KCNMA1: variants seen among roughly 807,000 people sequenced by gnomAD.
KCNMA1 encodes the protein Calcium-activated potassium channel subunit alpha-1.
In KCNMA1, 29 loss-of-function variants were observed where a neutral mutation model predicts 140.0. That is an observed-to-expected ratio of 0.21 (90% CI 0.15 to 0.28). KCNMA1 has a LOEUF of 0.28. Among genes scored for constraint, KCNMA1 ranks in the 10% least tolerant of loss-of-function variants. The probability of loss-of-function intolerance (pLI) is 1.00; values close to 1 mark genes in which losing one functional copy is unlikely to be tolerated. For synonymous variants in KCNMA1, 612 were observed against 611.9 expected (o/e 1.00, Z 0.00); for missense variants, 880 against 1,602.2 (o/e 0.55, Z 7.70).
intron 5 of KCNMA1, among the ~76,000 whole-genome samples, chr10:77,167,548 G>C (rs1332175867): frequency 6.6e-6 from 1 of 152,074 alleles, no homozygotes; most frequent in East Asian, 1.9e-4. Flanking sequence ...TTGAGTGAAT[G>C]ATGATAATAA....
intron 1 of KCNMA1, among the ~76,000 whole-genome samples, chr10:77,462,747 G>A (rs1368752217): frequency 2.0e-5 from 3 of 152,208 alleles, no homozygotes; most frequent in South Asian, 2.1e-4. Flanking sequence ...TAGTGCTCAC[G>A]TTTCCTCAAT....
chr10:77,055,943 C>A (rs562831304), intron 14 of KCNMA1, among the ~76,000 whole-genome samples: 21 of 152,308 alleles, frequency 1.4e-4, no homozygotes, highest in Middle Eastern at 6.8e-3. Context: ...CATTTAGATT[C>A]TAAGAACTAA....
rs1018613491 is a variant in KCNMA1 at position 76,994,356 on chromosome 10, TAACAACAGC to T, written c.2266+7042_2266+7050del. ...GCAAATGCTATATAAGTGTTAAATT[TAACAACAGC>T]AACAACACATACACACATCCTCCCT... On this transcript the variant is annotated intron_variant, in intron 19 of 27. Coordinates refer to ENST00000286628, the MANE Select transcript of KCNMA1 (RefSeq NM_001161352.2). Among the ~76,000 whole-genome samples, 27 of 152,332 alleles carry T rather than the reference TAACAACAGC, an allele frequency of 1.8e-4. No homozygotes were observed. In the East Asian group the frequency reaches 5.2e-3, roughly 29 times the overall value.
chr10:77,339,326 G>A (rs747416647), intron 2 of KCNMA1, among the ~76,000 whole-genome samples: 5 of 151,886 alleles, frequency 3.3e-5, no homozygotes, highest in East Asian at 1.9e-4. Context: ...CTCCTCCACC[G>A]CCTTCCCAGC....
chr10:77,187,035 G>T (rs963801119), intron 3 of KCNMA1, among the ~76,000 whole-genome samples: 1 of 152,146 alleles, frequency 6.6e-6, no homozygotes, highest in Non-Finnish European at 1.5e-5. Flanking sequence ...CCTTACAGTT[G>T]CCCTCACAGT....
chr10:77,378,882 G>A (rs1018865775), intron 2 of KCNMA1, among the ~76,000 whole-genome samples: 2 of 152,168 alleles, frequency 1.3e-5, no homozygotes, highest in Non-Finnish European at 2.9e-5. Flanking sequence ...ATTGTAAGAT[G>A]ACTTGTGTAA....
intron 2 of KCNMA1, among the ~76,000 whole-genome samples, chr10:77,283,439 A>G (rs652373): frequency 0.84 from 127,644 of 152,194 alleles, 53,698 homozygotes; most frequent in Middle Eastern, 0.9. Flanking sequence ...ACAGCTAACC[A>G]AGATGGTGCC....
Position 77,084,693 on chromosome 10 carries a change from G to T in KCNMA1, c.1467C>A (p.Ile489=). The stretch of plus-strand genomic sequence containing the variant: ...GGTCAGCGCAGTACTTGTTGGCAAG[G>T]ATCAGGCATGCATCTGCTGACTCTA... ...VKIESADACL[I]LANKYCADPD... The change falls in exon 12 of 28, where the codon ATC becomes ATA. Residue 489 remains isoleucine, a synonymous_variant. Coordinates refer to ENST00000286628, the MANE Select transcript of KCNMA1 (RefSeq NM_001161352.2). 6.2e-7 allele frequency: 1 copy of T among 1,613,974 alleles called. No homozygotes were observed. The highest frequency in any genetic ancestry group is 1.3e-5 in the African/African-American group (1 of 75,018).
At chr10:77,031,849 C>T (rs1027216534) in intron 15 of KCNMA1, among the ~76,000 whole-genome samples, 5 of 152,128 alleles carry the variant, frequency 3.3e-5, no homozygotes, top group Admixed American at 6.5e-5. Flanking sequence ...AAAGAGTAAG[C>T]CTTCAGTAAA....
intron 2 of KCNMA1, among the ~76,000 whole-genome samples, chr10:77,280,018 G>A: frequency 6.6e-6 from 1 of 152,128 alleles, no homozygotes; most frequent in Non-Finnish European, 1.5e-5. Context: ...CGAACCCACA[G>A]TACATCCCCA....
chr10:77,250,611 T>A (rs1393818934), intron 3 of KCNMA1: 1 of 164,688 alleles, frequency 6.1e-6, no homozygotes, highest in Non-Finnish European at 1.3e-5. Context: ...AGTCCTCAAA[T>A]GGCCAGGGCC....
At chr10:77,380,434 T>C (rs910993346) in intron 2 of KCNMA1, among the ~76,000 whole-genome samples, 2 of 152,158 alleles carry the variant, frequency 1.3e-5, no homozygotes, top group African/African-American at 4.8e-5. Flanking sequence ...CACTTCAGTT[T>C]CCTTCCTTCA....
intron 1 of KCNMA1, among the ~76,000 whole-genome samples, chr10:77,559,058 T>C (rs1471223205): frequency 1.3e-5 from 2 of 152,166 alleles, no homozygotes; most frequent in Non-Finnish European, 2.9e-5. Context: ...CTCCGTGTCC[T>C]GGTCAGCCCA....
intron 19 of KCNMA1, among the ~76,000 whole-genome samples, chr10:76,980,890 T>A (rs11597111): frequency 6.6e-6 from 1 of 152,104 alleles, no homozygotes; most frequent in African/African-American, 2.4e-5. Context: ...TAAAGCCACA[T>A]TGTTGGGTCT....
intron 17 of KCNMA1, among the ~76,000 whole-genome samples, chr10:77,014,378 A>T (rs950640787): frequency 3.3e-5 from 5 of 150,874 alleles, no homozygotes; most frequent in Non-Finnish European, 2.9e-5. Flanking sequence ...GTGAGCCGAG[A>T]TTGTGCCACT....
rs570713671 is a variant in KCNMA1, at chr10:77,364,036, A to G, written c.540+39826T>C. Among the ~76,000 whole-genome samples the G allele has an allele frequency of 7.9e-5, 12 of 152,292 alleles. No individual in the cohort carries two copies. The South Asian group carries it at 2.5e-3, about 32-fold the overall frequency. On this transcript the variant is annotated intron_variant, in intron 2 of 27. Coordinates refer to ENST00000286628, the MANE Select transcript of KCNMA1 (RefSeq NM_001161352.2). ...TTGCACAATGCCTGACACCTAGCAGATCCTCAACAACCTTTGTTGAATAAA... is the reference window on the plus strand; with the variant it reads ...TTGCACAATGCCTGACACCTAGCAGGTCCTCAACAACCTTTGTTGAATAAA...
chr10:77,474,616 G>C lies in KCNMA1; in HGVS notation c.379-70593C>G, dbSNP rs572858977. Among the ~76,000 whole-genome samples the C allele has an allele frequency of 5.3e-5, 8 of 152,196 alleles. No individual in the cohort carries two copies. In the South Asian group the frequency reaches 6.2e-4, roughly 12 times the overall value. ...ACTCACATGGGGCGCGGTAGGGTGTGCCCTGTCTGGAGGTTCCACATTCTT... is the reference window on the plus strand; with the variant it reads ...ACTCACATGGGGCGCGGTAGGGTGTCCCCTGTCTGGAGGTTCCACATTCTT... On this transcript the variant is annotated intron_variant, in intron 1 of 27. Transcript: ENST00000286628.
intron 23 of KCNMA1, chr10:76,939,006 A>AT (rs2061287762): frequency 6.6e-6 from 1 of 151,870 alleles, no homozygotes; most frequent in Non-Finnish European, 1.5e-5. Context: ...ATCACTTTAA[A>AT]TTTTTATATT....
chr10:76,967,210 C>T (rs1253573257), intron 20 of KCNMA1, among the ~76,000 whole-genome samples: 4 of 152,146 alleles, frequency 2.6e-5, no homozygotes, highest in Non-Finnish European at 5.9e-5. Context: ...AAAACCTGCC[C>T]GCATTCAGAA....
Sources: gnomAD v4.1 joint callset for allele counts (sites outside exome capture counted in the v4.1 genomes callset) on GRCh38, gnomAD v4.1.1 for gene constraint, MANE v1.5 for transcripts, NCBI Gene and HGNC (gene_info 2026-07-23, HGNC 2026-07-21) for gene names.